Variants in DAB1 observed in about 807,000 individuals in gnomAD.
DAB1 encodes DAB adaptor protein 1, also known as disabled homolog 1.
Under a neutral mutation model 64.6 loss-of-function variants are expected in DAB1, and 15 were observed. The observed-to-expected ratio is 0.23, with a 90% CI of 0.16 to 0.36. The LOEUF is 0.36. Ranked by LOEUF, DAB1 falls within the 10% of genes least tolerant of loss-of-function variation. The pLI is 1.00. For synonymous variants in DAB1, 235 were observed against 251.9 expected (o/e 0.93, Z 0.64); for missense variants, 596 against 706.7 (o/e 0.84, Z 1.78).
rs1003072580 is a variant in DAB1, at chr1:58,186,701, G to C, written n.310-36113C>G. 5.3e-5 allele frequency among the ~76,000 whole-genome samples: 8 copies of C among 152,134 alleles called. No homozygotes were observed. The South Asian group carries it at 1.7e-3, about 32-fold the overall frequency. On this transcript the variant is annotated intron_variant and non_coding_transcript_variant, in intron 4 of 20. Coordinates refer to the DAB1 transcript ENST00000485760. ...ATTTAGTGTGAGAGTCATCTACATG[G>C]TTCTTCTGGCTTATCCTGGACTTCC...
intron 6 of DAB1, among the ~76,000 whole-genome samples, chr1:57,807,949 AGTAT>A (rs1160072377): frequency 6.6e-6 from 1 of 152,204 alleles, no homozygotes; most frequent in Admixed American, 6.5e-5. Flanking sequence ...GTAAAAATGC[AGTAT>A]GTAATACATA....
chr1:57,616,104 C>A (rs1457868354), intron 7 of DAB1, among the ~76,000 whole-genome samples: 1 of 151,910 alleles, frequency 6.6e-6, no homozygotes, highest in Non-Finnish European at 1.5e-5. Flanking sequence ...TTACTATGGC[C>A]CCTCCCTCAT....
intron 7 of DAB1, among the ~76,000 whole-genome samples, chr1:57,458,863 T>C (rs1686688720): frequency 6.6e-6 from 1 of 152,068 alleles, no homozygotes; most frequent in Non-Finnish European, 1.5e-5. Context: ...CCAAAATTGA[T>C]GTTTAAAGAC....
At chr1:58,531,965 C>T (rs1301001972) in intron 1 of DAB1, among the ~76,000 whole-genome samples, 1 of 152,060 alleles carries the variant, frequency 6.6e-6, no homozygotes, top group African/African-American at 2.4e-5. Flanking sequence ...CCTCAGCCTC[C>T]CAAAGTGCTG....
At chr1:57,003,021 A>G (rs1645928195) in intron 14 of DAB1, among the ~76,000 whole-genome samples, 1 of 152,242 alleles carries the variant, frequency 6.6e-6, no homozygotes, top group Admixed American at 6.5e-5. Context: ...TTTAGGCCTA[A>G]TAATCACCTG....
intron 7 of DAB1, among the ~76,000 whole-genome samples, chr1:57,576,924 C>T (rs987243421): frequency 6.6e-6 from 1 of 152,206 alleles, no homozygotes; most frequent in Non-Finnish European, 1.5e-5. Context: ...ACCCTGCAGG[C>T]TTATCTACTG....
At chr1:57,505,540 G>T (rs1644333983) in intron 7 of DAB1, among the ~76,000 whole-genome samples, 1 of 152,268 alleles carries the variant, frequency 6.6e-6, no homozygotes, top group African/African-American at 2.4e-5. Flanking sequence ...GATGGGATGG[G>T]GATGTAAGTG....
intron 4 of DAB1, among the ~76,000 whole-genome samples, chr1:58,333,140 C>T (rs1259686174): frequency 1.3e-5 from 2 of 152,092 alleles, no homozygotes; most frequent in African/African-American, 2.4e-5. Context: ...GAACTCCAGA[C>T]CTGTTTATTT....
intron 3 of DAB1, among the ~76,000 whole-genome samples, chr1:58,494,254 T>A (rs983563834): frequency 1.3e-5 from 2 of 152,074 alleles, no homozygotes; most frequent in African/African-American, 4.8e-5. Context: ...TTACACCTTA[T>A]ACTAAAATTA....
chr1:57,132,632 G>A (rs973474612), intron 4 of DAB1, among the ~76,000 whole-genome samples: 4 of 152,054 alleles, frequency 2.6e-5, no homozygotes, highest in Non-Finnish European at 4.4e-5. Context: ...AATATAATAC[G>A]AATATTCCAA....
At chr1:58,217,468 CA>C (rs1658919392) in intron 4 of DAB1, among the ~76,000 whole-genome samples, 1 of 152,228 alleles carries the variant, frequency 6.6e-6, no homozygotes, top group South Asian at 2.1e-4. Flanking sequence ...AGGAGGACAT[CA>C]TTCATTCCTT....
chr1:57,740,579 C>T (rs773520288), intron 6 of DAB1, among the ~76,000 whole-genome samples: 6 of 152,184 alleles, frequency 3.9e-5, no homozygotes, highest in Non-Finnish European at 8.8e-5. Context: ...TCCCTAAGTG[C>T]TAGGGTTCAA....
chr1:57,872,962 T>G (rs893176016), intron 1 of DAB1, among the ~76,000 whole-genome samples: 1 of 152,142 alleles, frequency 6.6e-6, no homozygotes, highest in African/African-American at 2.4e-5. Flanking sequence ...AGACTAGGTC[T>G]GGACTGGATG....
chr1:57,954,924 T>C (rs931259921), intron 5 of DAB1, among the ~76,000 whole-genome samples: 6 of 152,158 alleles, frequency 3.9e-5, no homozygotes. Context: ...CCATGAGTCC[T>C]AGGGCTCAGA....
At chr1:57,081,123 T>C (rs1188833162) in intron 4 of DAB1, among the ~76,000 whole-genome samples, 1 of 152,216 alleles carries the variant, frequency 6.6e-6, no homozygotes. Flanking sequence ...TATAGAAGGA[T>C]TTGAATCCTT....
chr1:57,838,964 A>G (rs1477757274), intron 1 of DAB1, among the ~76,000 whole-genome samples: 2 of 151,846 alleles, frequency 1.3e-5, no homozygotes, highest in African/African-American at 4.8e-5. Flanking sequence ...TATTTATTGT[A>G]AAGATGGGGT....
chr1:58,400,813 T>C (rs1367615997), intron 3 of DAB1, among the ~76,000 whole-genome samples: 4 of 152,222 alleles, frequency 2.6e-5, no homozygotes, highest in Non-Finnish European at 5.9e-5. Context: ...AAATTCACAA[T>C]TGATAATTAT....
rs182891264 is a variant in DAB1, at chr1:58,051,500, A to G, written n.387+99011T>C. On this transcript the variant is annotated intron_variant and non_coding_transcript_variant, in intron 5 of 20. Transcript: ENST00000485760. ...CTTTGCTATTGTGAATAGTGCTGCA[A>G]TAGACATACGTGTGCATGTGTCTTT... Among the ~76,000 whole-genome samples, 379 of 152,300 alleles carry G rather than the reference A, an allele frequency of 2.5e-3. 2 individuals carry two copies. The highest frequency in any genetic ancestry group is 8.9e-3 in the African/African-American group (369 of 41,564).
intron 3 of DAB1, among the ~76,000 whole-genome samples, chr1:58,483,500 A>G (rs1406314118): frequency 6.6e-6 from 1 of 152,182 alleles, no homozygotes; most frequent in African/African-American, 2.4e-5. Context: ...TTGAAAAAAC[A>G]TTACTTAACG....
Sources: gnomAD v4.1 joint callset for allele counts (sites outside exome capture counted in the v4.1 genomes callset) on GRCh38, gnomAD v4.1.1 for gene constraint, MANE v1.5 for transcripts, NCBI Gene and HGNC (gene_info 2026-07-23, HGNC 2026-07-21) for gene names.